Variants in HS3ST4 observed in about 807,000 individuals in gnomAD.
HS3ST4 encodes the protein heparan sulfate glucosamine 3-O-sulfotransferase 4.
Under a neutral mutation model 29.2 loss-of-function variants are expected in HS3ST4, and 17 were observed. The observed-to-expected ratio is 0.58, with a 90% CI of 0.40 to 0.87. HS3ST4 has a LOEUF of 0.87. Ranked by LOEUF, HS3ST4 falls within the 40% of genes least tolerant of loss-of-function variation. HS3ST4 has a pLI of 0.00. For missense variants in HS3ST4, 627 were observed against 634.5 expected, an observed-to-expected ratio of 0.99 and a Z score of 0.13; for synonymous variants, 314 against 285.7, an observed-to-expected ratio of 1.10 and a Z score of -1.00.
At chr16:26,026,554 G>T (rs1345788902) in intron 1 of HS3ST4, among the ~76,000 whole-genome samples, 1 of 152,050 alleles carries the variant, frequency 6.6e-6, no homozygotes, top group African/African-American at 2.4e-5. Context: ...GCAATATTAG[G>T]CATCACCTCC....
intron 1 of HS3ST4, among the ~76,000 whole-genome samples, chr16:26,094,057 T>C (rs1230631416): frequency 6.6e-6 from 1 of 151,962 alleles, no homozygotes; most frequent in East Asian, 1.9e-4. Flanking sequence ...GAGGACAAGG[T>C]TAGAGAGAAA....
At chr16:25,812,761 G>C (rs1203554225) in intron 1 of HS3ST4, among the ~76,000 whole-genome samples, 1 of 151,714 alleles carries the variant, frequency 6.6e-6, no homozygotes, top group East Asian at 1.9e-4. Flanking sequence ...GAATGCAGTG[G>C]AGTGATCATA....
intron 1 of HS3ST4, among the ~76,000 whole-genome samples, chr16:26,123,966 A>T (rs1008356280): frequency 2.7e-5 from 4 of 150,920 alleles, no homozygotes; most frequent in Admixed American, 6.6e-5. Context: ...TGTTGTCCAG[A>T]CTGGAGTGCA....
At chr16:26,065,609 AC>A (rs1209163315) in intron 1 of HS3ST4, among the ~76,000 whole-genome samples, 3 of 152,130 alleles carry the variant, frequency 2.0e-5, no homozygotes, top group Admixed American at 2.0e-4. Context: ...CTGCACTTGT[AC>A]CCCTGAACTC....
chr16:25,809,466 G>T (rs1162137476), intron 1 of HS3ST4, among the ~76,000 whole-genome samples: 1 of 152,016 alleles, frequency 6.6e-6, no homozygotes, highest in Non-Finnish European at 1.5e-5. Flanking sequence ...GTGAAGTATT[G>T]ATCGGTATTT....
intron 1 of HS3ST4, among the ~76,000 whole-genome samples, chr16:25,774,739 T>C (rs1351980622): frequency 6.6e-6 from 1 of 152,252 alleles, no homozygotes; most frequent in Non-Finnish European, 1.5e-5. Context: ...TTGATTACAT[T>C]GGACCACCTC....
chr16:25,973,998 A>G (rs1386407362), intron 1 of HS3ST4, among the ~76,000 whole-genome samples: 1 of 152,200 alleles, frequency 6.6e-6, no homozygotes, highest in African/African-American at 2.4e-5. Flanking sequence ...TGAGAATTAT[A>G]CATACAAGAC....
intron 1 of HS3ST4, among the ~76,000 whole-genome samples, chr16:25,968,278 T>C (rs1285541876): frequency 6.6e-6 from 1 of 152,168 alleles, no homozygotes; most frequent in African/African-American, 2.4e-5. Flanking sequence ...GTGTGCTCTG[T>C]ATGGCCAACA....
intron 1 of HS3ST4, among the ~76,000 whole-genome samples, chr16:25,738,114 C>G (rs531015006): frequency 6.6e-6 from 1 of 152,184 alleles, no homozygotes; most frequent in Non-Finnish European, 1.5e-5. Flanking sequence ...CCGTGTTAGC[C>G]AGGATGGTCT....
chr16:26,004,204 C>T (rs571608429), intron 1 of HS3ST4, among the ~76,000 whole-genome samples: 16 of 152,166 alleles, frequency 1.1e-4, no homozygotes, highest in African/African-American at 2.6e-4. Flanking sequence ...ATAATATTCT[C>T]GAGTATAACA....
chr16:25,953,216 C>T (rs886606904), intron 1 of HS3ST4, among the ~76,000 whole-genome samples: 2 of 152,038 alleles, frequency 1.3e-5, no homozygotes, highest in African/African-American at 4.8e-5. Context: ...GAGGCAGGCA[C>T]CAAGGTGTGA....
chr16:25,817,579 A>G (rs1444654030), intron 1 of HS3ST4, among the ~76,000 whole-genome samples: 1 of 152,204 alleles, frequency 6.6e-6, no homozygotes, highest in Admixed American at 6.5e-5. Context: ...AGATAACAAG[A>G]TGGATGGTAC....
chr16:26,109,564 C>T, intron 1 of HS3ST4, among the ~76,000 whole-genome samples: 1 of 152,080 alleles, frequency 6.6e-6, no homozygotes, highest in Non-Finnish European at 1.5e-5. Context: ...GCTCCTGCTC[C>T]CCCAGGCATG....
At chr16:26,083,096 C>T (rs769957256) in intron 1 of HS3ST4, among the ~76,000 whole-genome samples, 6 of 152,204 alleles carry the variant, frequency 3.9e-5, no homozygotes, top group Non-Finnish European at 5.9e-5. Flanking sequence ...TGCTCTCCCT[C>T]GTCTGCTTCT....
At chr16:25,734,577 A>T (rs184929758) in intron 1 of HS3ST4, among the ~76,000 whole-genome samples, 227 of 152,320 alleles carry the variant, frequency 1.5e-3, no homozygotes, top group African/African-American at 5.3e-3. Context: ...GATGGAGCTC[A>T]GAAAGATGTA....
At chr16:25,971,721 C>T (rs1228567206) in intron 1 of HS3ST4, among the ~76,000 whole-genome samples, 5 of 152,084 alleles carry the variant, frequency 3.3e-5, no homozygotes, top group African/African-American at 9.7e-5. Flanking sequence ...GTCAGGAGTT[C>T]GAGACCAGCC....
rs546666111 is a variant in HS3ST4 at position 25,752,940 on chromosome 16, G to A, written c.734+59789G>A. On this transcript the variant is annotated intron_variant, in intron 1 of 1. Transcript: ENST00000331351. ...CTGACGGTATTATAGAGGGAGTGTC[G>A]TATTGCAGGCAGCAATCCTCTTTAT... Among the ~76,000 whole-genome samples, 175 of 152,250 alleles carry A rather than the reference G, an allele frequency of 1.1e-3. 1 individual carries two copies. Among genetic ancestry groups the A allele is most frequent in the African/African-American group, 4.0e-3 (168 of 41,558 alleles).
intron 1 of HS3ST4, among the ~76,000 whole-genome samples, chr16:25,954,385 A>C (rs146613347): frequency 2.9e-3 from 444 of 152,270 alleles, no homozygotes; most frequent in African/African-American, 0.01. Flanking sequence ...TAAGCTTTAC[A>C]ACAGAAGAGA....
chr16:25,809,220 T>C (rs1967018344), intron 1 of HS3ST4, among the ~76,000 whole-genome samples: 1 of 152,196 alleles, frequency 6.6e-6, no homozygotes, highest in Non-Finnish European at 1.5e-5. Flanking sequence ...TATGATGTTA[T>C]GTATAGGTTT....
Sources: gnomAD v4.1 joint callset for allele counts (sites outside exome capture counted in the v4.1 genomes callset) on GRCh38, gnomAD v4.1.1 for gene constraint, MANE v1.5 for transcripts, NCBI Gene and HGNC (gene_info 2026-07-23, HGNC 2026-07-21) for gene names.